KITLG: variants seen among roughly 807,000 people sequenced by gnomAD.
KITLG encodes the protein KIT ligand.
A neutral mutation model predicts 34.1 loss-of-function variants in KITLG; 13 were observed. The ratio of observed to expected loss-of-function variants is 0.38; its 90% confidence interval spans 0.25 to 0.61. The LOEUF (loss-of-function observed/expected upper bound fraction) is 0.61. Among genes scored for constraint, KITLG ranks in the 20% least tolerant of loss-of-function variants. KITLG has a pLI of 0.60. For missense variants in KITLG, 292 were observed against 318.9 expected (o/e 0.92, Z 0.64); for synonymous variants, 110 against 104.0 (o/e 1.06, Z -0.35).
chr12:88,568,296 T>C lies in KITLG; in HGVS notation c.15+11968A>G, dbSNP rs1422777209. Among the ~76,000 whole-genome samples, 4 of 19,444 alleles carry C rather than the reference T, an allele frequency of 2.1e-4. No individual in the cohort carries two copies. In the Non-Finnish European group the frequency reaches 5.9e-3, roughly 29 times the overall value. The allele number at this position is 19,444 out of a possible 152,430, so 12.8% of individuals were successfully genotyped here. On this transcript the variant is annotated intron_variant, in intron 1 of 9. Transcript: ENST00000644744. ...ATATTATCTCATTTATTTATTTATT[T>C]ATTTATTTATTTATTTATTTATTTA... is the stretch of plus-strand genomic sequence containing the variant.
intron 1 of KITLG, among the ~76,000 whole-genome samples, chr12:88,569,842 T>G (rs1166648425): frequency 6.6e-6 from 1 of 152,220 alleles, no homozygotes; most frequent in Non-Finnish European, 1.5e-5. Context: ...AAGGTTGTGC[T>G]GACAATCACC....
chr12:88,564,828 C>A (rs1025873019), intron 1 of KITLG, among the ~76,000 whole-genome samples: 2 of 151,866 alleles, frequency 1.3e-5, no homozygotes, highest in Non-Finnish European at 2.9e-5. Flanking sequence ...CAAAGAGTAT[C>A]CCCAAAATGA....
At chr12:88,560,967 CAAAAAA>C (rs34851499) in intron 1 of KITLG, among the ~76,000 whole-genome samples, 35 of 58,096 alleles carry the variant, frequency 6.0e-4, no homozygotes, top group African/African-American at 2.9e-3. Flanking sequence ...GACTCTGTCT[CAAAAAA>C]AAAAAAAAAA....
At chr12:88,509,151 T>G (rs1179605725) in intron 6 of KITLG, among the ~76,000 whole-genome samples, 1 of 152,136 alleles carries the variant, frequency 6.6e-6, no homozygotes, top group African/African-American at 2.4e-5. Flanking sequence ...AATTAAGATT[T>G]TGTCCTTAAA....
chr12:88,508,008 A>T (rs1869129993), intron 6 of KITLG, among the ~76,000 whole-genome samples: 1 of 151,978 alleles, frequency 6.6e-6, no homozygotes, highest in African/African-American at 2.4e-5. Flanking sequence ...CCAACACGGT[A>T]AAACCCCGTC....
At chr12:88,549,725 C>T (rs1049475746) in intron 1 of KITLG, among the ~76,000 whole-genome samples, 1 of 151,978 alleles carries the variant, frequency 6.6e-6, no homozygotes, top group African/African-American at 2.4e-5. Context: ...ACTTGGGGTG[C>T]AGATATAAAT....
At chr12:88,545,713 C>A (rs1368987494) in intron 2 of KITLG, 39 bp downstream of exon 2, 3 of 1,153,778 alleles carry the variant, frequency 2.6e-6, no homozygotes, top group Non-Finnish European at 3.9e-6. Context: ...AGAGCCACAG[C>A]TCTTTTTTAC....
chr12:88,532,833 C>T (rs1870149184), intron 2 of KITLG, among the ~76,000 whole-genome samples: 1 of 152,114 alleles, frequency 6.6e-6, no homozygotes, highest in South Asian at 2.1e-4. Context: ...TATTTTCCTA[C>T]TTGTTCCTCC....
chr12:88,516,579 A>G lies in KITLG; in HGVS notation c.364-89T>C, dbSNP rs570177288. 6.0e-6 allele frequency: 5 copies of G among 834,430 alleles called. No homozygotes were observed. The South Asian group carries it at 8.3e-5, about 14-fold the overall frequency. The allele number at this position is 834,430 out of a possible 1,614,324, so 51.7% of individuals were successfully genotyped here. On this transcript the variant is annotated intron_variant, in intron 4 of 9. Transcript: ENST00000644744. ...TGGACTATAAATATGTCTCTCAAAG[A>G]TTCAAGTATTTAGACTCTTACAACT...
rs1366705721 is a variant in KITLG, at chr12:88,507,055, G to A, written c.687C>T (p.Gly229=). ...TCCAGTATAAGGCTCCAAAAGCAAA[G>A]CCAATTATAAGAGAAAACAATGCTG... is the stretch of plus-strand genomic sequence containing the variant. ...ALPALFSLII[G]FAFGALYWKK... is the part of the protein sequence containing the mutation. Residue 229 remains glycine, a synonymous_variant, in exon 7 of 10, where the codon GGC becomes GGT. Coordinates refer to ENST00000644744, the MANE Select transcript of KITLG (RefSeq NM_000899.5). The A allele has an allele frequency of 1.2e-6, 2 of 1,611,086 alleles. No individual in the cohort carries two copies. Among genetic ancestry groups the A allele is most frequent in the Non-Finnish European group, 1.7e-6 (2 of 1,177,290 alleles).
At chr12:88,512,471 A>T (rs1199953323) in intron 6 of KITLG, among the ~76,000 whole-genome samples, 1 of 152,064 alleles carries the variant, frequency 6.6e-6, no homozygotes, top group South Asian at 2.1e-4. Flanking sequence ...AAAATGGATT[A>T]AAAAATTTGA....
intron 1 of KITLG, among the ~76,000 whole-genome samples, chr12:88,577,640 A>T (rs1207277794): frequency 2.7e-5 from 2 of 74,302 alleles, no homozygotes; most frequent in Admixed American, 1.9e-4. Context: ...ATAAAATCAA[A>T]CAGAAATCTG....
intron 7 of KITLG, 39 bp from the exon 8 acceptor site, chr12:88,506,417 ATGAATGG>A (rs1471464085): frequency 1.5e-6 from 2 of 1,378,650 alleles, no homozygotes; most frequent in Non-Finnish European, 2.1e-6. Flanking sequence ...AAAATAATCA[ATGAATGG>A]TCTAATATTT....
At chr12:88,524,595 T>A (rs774433592) in intron 3 of KITLG, among the ~76,000 whole-genome samples, 7 of 148,642 alleles carry the variant, frequency 4.7e-5, no homozygotes, top group East Asian at 3.9e-4. Flanking sequence ...TTTTTATTTA[T>A]TTTTTTTTTA....
At chr12:88,559,522 C>T (rs1196176704) in intron 1 of KITLG, among the ~76,000 whole-genome samples, 1 of 152,122 alleles carries the variant, frequency 6.6e-6, no homozygotes, top group African/African-American at 2.4e-5. Flanking sequence ...CCATCAAATG[C>T]ACTTCAATAT....
intron 1 of KITLG, among the ~76,000 whole-genome samples, chr12:88,574,855 A>T (rs1340582064): frequency 1.3e-5 from 2 of 152,206 alleles, no homozygotes; most frequent in African/African-American, 4.8e-5. Context: ...GAAAGTAAAG[A>T]TCCTCTTTAA....
intron 3 of KITLG, among the ~76,000 whole-genome samples, chr12:88,523,326 A>G (rs187900924): frequency 1.3e-4 from 20 of 152,216 alleles, no homozygotes; most frequent in Non-Finnish European, 2.6e-4. Context: ...TCCAGGTTAC[A>G]TAACAAATTT....
chr12:88,561,330 T>A (rs1015175093), intron 1 of KITLG, among the ~76,000 whole-genome samples: 1 of 152,184 alleles, frequency 6.6e-6, no homozygotes, highest in South Asian at 2.1e-4. Context: ...CCTAGTAACA[T>A]CATGCCCAAA....
At chr12:88,572,594 AT>A (rs1157267456) in intron 1 of KITLG, among the ~76,000 whole-genome samples, 3 of 49,634 alleles carry the variant, frequency 6.0e-5, no homozygotes, top group African/African-American at 1.4e-4. Flanking sequence ...TATATACATT[AT>A]TATATATATA....
Sources: allele counts gnomAD v4.1 joint callset (sites outside exome capture counted in the v4.1 genomes callset), GRCh38; gene constraint gnomAD v4.1.1; transcripts MANE v1.5; gene names NCBI Gene and HGNC (gene_info 2026-07-23, HGNC 2026-07-21).